CEP63: variants seen among roughly 807,000 people sequenced by gnomAD.
CEP63 encodes centrosomal protein 63.
In CEP63, 84 loss-of-function variants were observed where a neutral mutation model predicts 89.1. That is an observed-to-expected ratio of 0.94 (90% CI 0.79 to 1.13). The LOEUF is 1.13. Ranked by LOEUF, CEP63 falls within the 50% of genes most tolerant of loss-of-function variation. The pLI is 0.00. For missense variants in CEP63, 838 were observed against 813.3 expected (o/e 1.03, Z -0.37); for synonymous variants, 267 against 272.5 (o/e 0.98, Z 0.20).
At chr3:134,533,891 C>T (rs1197823879) in intron 5 of CEP63, among the ~76,000 whole-genome samples, 3 of 152,134 alleles carry the variant, frequency 2.0e-5, no homozygotes, top group African/African-American at 7.2e-5. Flanking sequence ...CTTTATATCT[C>T]AATATTTTTT....
At chr3:134,523,131 T>C (rs557225346) in intron 3 of CEP63, among the ~76,000 whole-genome samples, 2 of 152,300 alleles carry the variant, frequency 1.3e-5, no homozygotes, top group South Asian at 4.1e-4. Context: ...GTGGTTTTGA[T>C]TTGTGTTTCT....
the CEP63 span, among the ~76,000 whole-genome samples, chr3:134,598,825 T>A: frequency 3.3e-5 from 5 of 152,214 alleles, no homozygotes; most frequent in African/African-American, 4.8e-5. Flanking sequence ...ATCTTTTGAC[T>A]CGGAGATGCC....
At chr3:134,548,084 C>T (rs960798877) in intron 9 of CEP63, among the ~76,000 whole-genome samples, 1 of 152,188 alleles carries the variant, frequency 6.6e-6, no homozygotes. Context: ...TCATCAAGTT[C>T]TTTCTGTCTG....
intron 11 of CEP63, among the ~76,000 whole-genome samples, chr3:134,551,724 C>CATAT (rs71139540): frequency 4.7e-4 from 38 of 81,542 alleles, no homozygotes; most frequent in African/African-American, 1.4e-3. Context: ...TTAGAAAGTC[C>CATAT]ATATATATAT....
At chr3:134,742,513 G>A in the CEP63 span, among the ~76,000 whole-genome samples, 1 of 152,296 alleles carries the variant, frequency 6.6e-6, no homozygotes, top group South Asian at 2.1e-4. Context: ...TTTCTGAGTG[G>A]TCTCAGATCA....
downstream of CEP63, among the ~76,000 whole-genome samples, chr3:134,591,892 A>AAAATG (rs1958603998): frequency 0.029 from 1 of 34 alleles, no homozygotes; most frequent in South Asian, 0.5. Flanking sequence ...GTCCCCCCAA[A>AAAATG]AAATAAAATA....
the CEP63 span, among the ~76,000 whole-genome samples, chr3:134,704,014 C>T: frequency 6.6e-6 from 1 of 152,144 alleles, no homozygotes; most frequent in South Asian, 2.1e-4. Context: ...TTTGTGATCT[C>T]TATTTACCTG....
the CEP63 span, among the ~76,000 whole-genome samples, chr3:134,687,768 C>A: frequency 1.1e-3 from 171 of 152,314 alleles, 1 homozygote; most frequent in South Asian, 7.3e-3. Context: ...CAGGTGGCCC[C>A]ACACCTGTGG....
the CEP63 span, among the ~76,000 whole-genome samples, chr3:134,777,421 C>A: frequency 6.6e-6 from 1 of 152,054 alleles, no homozygotes; most frequent in Non-Finnish European, 1.5e-5. Context: ...TATTACCTGA[C>A]TTTTGAGCAA....
the CEP63 span, chr3:134,650,772 C>T: frequency 6.7e-7 from 1 of 1,485,694 alleles, no homozygotes; most frequent in Non-Finnish European, 9.0e-7. Flanking sequence ...GCCCTTGTGG[C>T]AAGGAGGCCA....
chr3:134,760,350 C>T, the CEP63 span, among the ~76,000 whole-genome samples: 4 of 152,256 alleles, frequency 2.6e-5, no homozygotes, highest in African/African-American at 4.8e-5. Context: ...TGAGCCACCG[C>T]GCCCGGCCAG....
the CEP63 span, among the ~76,000 whole-genome samples, chr3:134,630,843 C>G: frequency 6.6e-6 from 1 of 152,074 alleles, no homozygotes; most frequent in Non-Finnish European, 1.5e-5. Context: ...ATAACATGCC[C>G]TAACAAGTAA....
chr3:134,564,621 A>T lies in CEP63; in HGVS notation c.*3086A>T, dbSNP rs181313675. 5.1e-5 allele frequency: 50 copies of T among 985,450 alleles called. 1 individual carries two copies. The African/African-American group carries it at 7.8e-4, about 15-fold the overall frequency. The allele number at this position is 985,450 out of a possible 1,614,324, so 61.0% of individuals were successfully genotyped here. On this transcript the variant is annotated 3_prime_UTR_variant, in exon 15 of 15. Coordinates refer to ENST00000675561, the MANE Select transcript of CEP63 (RefSeq NM_001353108.3). ...AAGGCTTCATTGTATTTATCAGTAA[A>T]ACTGAAATAATATCTAATGGGGTCG...
intron 3 of CEP63, among the ~76,000 whole-genome samples, chr3:134,508,818 G>A (rs1944138864): frequency 6.6e-6 from 1 of 152,132 alleles, no homozygotes; most frequent in Non-Finnish European, 1.5e-5. Context: ...ATTTAGAATT[G>A]CAGCTCTCTG....
At chr3:134,617,051 C>A in the CEP63 span, among the ~76,000 whole-genome samples, 1 of 152,152 alleles carries the variant, frequency 6.6e-6, no homozygotes, top group African/African-American at 2.4e-5. Flanking sequence ...AACTTTGGCA[C>A]TCCTTCTAAA....
the CEP63 span, among the ~76,000 whole-genome samples, chr3:134,749,924 T>A: frequency 6.6e-6 from 1 of 151,906 alleles, no homozygotes; most frequent in South Asian, 2.1e-4. Flanking sequence ...CGCTAATGGG[T>A]GTGAGCGCCC....
chr3:134,710,041 C>T, the CEP63 span, among the ~76,000 whole-genome samples: 5 of 152,218 alleles, frequency 3.3e-5, no homozygotes, highest in Non-Finnish European at 7.3e-5. Flanking sequence ...ACTGTTGTGG[C>T]CATTGGGTGT....
intron 10 of CEP63, among the ~76,000 whole-genome samples, chr3:134,549,455 A>G (rs940141753): frequency 2.6e-5 from 4 of 152,220 alleles, no homozygotes; most frequent in African/African-American, 4.8e-5. Context: ...AAAGTTTTCT[A>G]AAAGACATAC....
chr3:134,594,345 C>A, the CEP63 span, among the ~76,000 whole-genome samples: 21 of 152,184 alleles, frequency 1.4e-4, no homozygotes, highest in Non-Finnish European at 2.6e-4. Context: ...GCTGCCCCTG[C>A]CACCATAAAG....
Sources: allele counts gnomAD v4.1 joint callset (sites outside exome capture counted in the v4.1 genomes callset), GRCh38; gene constraint gnomAD v4.1.1; transcripts MANE v1.5; gene names NCBI Gene and HGNC (gene_info 2026-07-23, HGNC 2026-07-21).